The following CLCN4 variants were observed in gnomAD, a reference collection of about 807,000 sequenced individuals.
CLCN4 encodes the protein Cl-/H+ antiporter 4.
A neutral mutation model predicts 41.7 loss-of-function variants in CLCN4; 1 was observed. The ratio of observed to expected loss-of-function variants is 0.02; its 90% CI spans 0.01 to 0.11. The LOEUF (loss-of-function observed/expected upper bound fraction) is 0.11, where lower values mean the gene tolerates loss of function less well. CLCN4 is among the 10% of genes least tolerant of loss of function. CLCN4 has a pLI of 1.00. For missense variants in CLCN4, 287 were observed against 661.0 expected (o/e 0.43, Z 6.20); for synonymous variants, 277 against 285.8 (o/e 0.97, Z 0.31).
At position 10,213,860 on chromosome X, in the gene CLCN4, G is replaced by A; in HGVS notation, c.1756G>A (p.Val586Met). 1 of 1,211,889 alleles carries A rather than the reference G, an allele frequency of 8.3e-7. No individual in the cohort carries two copies. Among genetic ancestry groups the A allele is most frequent in the Non-Finnish European group, 1.1e-6 (1 of 895,426 alleles). Reference protein sequence around the residue: ...IHLNGYPFLDVKDEFTHRTLA... With the variant: ...IHLNGYPFLDMKDEFTHRTLA... ...CTTAAATGGGTACCCTTTCCTTGACGTGAAGGACGAGTTTACTCACCGCAC... is the reference window on the plus strand; with the variant it reads ...CTTAAATGGGTACCCTTTCCTTGACATGAAGGACGAGTTTACTCACCGCAC... The change falls in exon 11 of 13, where the codon GTG becomes ATG. Residue 586 changes from valine (V) to methionine (M), a missense_variant. By Grantham distance (21) the Val-to-Met change is conservative. This residue lies in a region of CLCN4 where 10 missense variants were observed against 67.7 expected (regional missense o/e 0.15). Coordinates refer to ENST00000380833, the MANE Select transcript of CLCN4 (RefSeq NM_001830.4).
rs1286686719 is a variant in CLCN4 at position 10,234,363 on chromosome X, C to T, written c.*779C>T. On this transcript the variant is annotated 3_prime_UTR_variant, in exon 13 of 13. Transcript: ENST00000380833. Reference sequence around the variant, plus strand: ...CACATCCTTATTTTGAGGGTATACTCACCCGATCATTGATTTGCATCCCCA... The same window carrying T: ...CACATCCTTATTTTGAGGGTATACTTACCCGATCATTGATTTGCATCCCCA... The T allele has an allele frequency of 8.8e-6, 1 of 113,085 alleles. No individual in the cohort carries two copies. Among genetic ancestry groups the T allele is most frequent in the African/African-American group, 3.2e-5 (1 of 31,048 alleles). 9.3% of individuals were successfully genotyped at this position (113,085 alleles called of 1,213,427 possible).
At position 10,213,772 on chromosome X, in the gene CLCN4, T is replaced by G; in HGVS notation, c.1668T>G (p.Ala556=). 2 of 1,212,131 alleles carry G rather than the reference T, an allele frequency of 1.6e-6. No individual in the cohort carries two copies. Among genetic ancestry groups the G allele is most frequent in the Non-Finnish European group, 2.2e-6 (2 of 895,514 alleles). ...LEYIVPLMAA[A]VTSKWVADAF... The stretch of plus-strand genomic sequence containing the variant: ...ACATCGTGCCCCTGATGGCGGCGGC[T>G]GTGACCAGCAAGTGGGTAGCTGATG... The change falls in exon 11 of 13, where the codon GCT becomes GCG. Residue 556 remains alanine (A), a synonymous_variant. Coordinates refer to ENST00000380833, the MANE Select transcript of CLCN4 (RefSeq NM_001830.4).
At chrX:10,170,981 T>A (rs1221727922) in intron 2 of CLCN4, among the ~76,000 whole-genome samples, 1 of 112,096 alleles carries the variant, frequency 8.9e-6, no homozygotes, top group Non-Finnish European at 1.9e-5. Flanking sequence ...GCCTCCCGGG[T>A]TCATGAGATT....
chrX:10,231,898 A>G (rs1925135521), intron 12 of CLCN4, among the ~76,000 whole-genome samples: 1 of 112,360 alleles, frequency 8.9e-6, no homozygotes, highest in Admixed American at 9.4e-5. Context: ...TTATTGCCTA[A>G]GCTAACTATT....
intron 12 of CLCN4, among the ~76,000 whole-genome samples, chrX:10,223,623 C>T (rs1024599745): frequency 1.8e-5 from 2 of 111,817 alleles, no homozygotes; most frequent in African/African-American, 6.5e-5. Context: ...GCCTGAGCTC[C>T]ACCGCTGGCC....
Position 10,185,650 on chromosome X carries a change from A to T in CLCN4, c.144+474A>T, listed in dbSNP as rs1003089901. 3.6e-5 allele frequency among the ~76,000 whole-genome samples: 4 copies of T among 111,750 alleles called. No individual in the cohort carries two copies. In the South Asian group the frequency reaches 1.1e-3, roughly 31 times the overall value. On this transcript the variant is annotated intron_variant, in intron 3 of 12. Transcript: ENST00000380833. ...TAACATTTCAGTTGGGTCTTGAAAG[A>T]TGACTAAGATTTTGCTAGGCAGAGG...
chrX:10,206,328 T>A (rs1924386741), intron 6 of CLCN4, 30 bp from the exon 7 acceptor site: 1 of 1,091,962 alleles, frequency 9.2e-7, no homozygotes, highest in Non-Finnish European at 1.3e-6. Flanking sequence ...AAGGAGTTCA[T>A]TCCCTCTTGT....
At chrX:10,180,065 G>T (rs762590087) in intron 2 of CLCN4, among the ~76,000 whole-genome samples, 1 of 112,251 alleles carries the variant, frequency 8.9e-6, no homozygotes, top group Non-Finnish European at 1.9e-5. Flanking sequence ...ATCTCATACT[G>T]CCAATTTGTT....
At chrX:10,179,254 G>C (rs1923612281) in intron 2 of CLCN4, among the ~76,000 whole-genome samples, 1 of 111,184 alleles carries the variant, frequency 9.0e-6, no homozygotes, top group African/African-American at 3.3e-5. Context: ...GGCCGGTGCT[G>C]TTTCATTCCC....
chrX:10,211,997 G>C (rs1006367877), intron 9 of CLCN4, among the ~76,000 whole-genome samples: 2 of 111,952 alleles, frequency 1.8e-5, no homozygotes, highest in Non-Finnish European at 3.8e-5. Context: ...GAAGATCCAG[G>C]GTGGCTGCAA....
intron 2 of CLCN4, among the ~76,000 whole-genome samples, chrX:10,159,177 G>A (rs944252226): frequency 9.0e-6 from 1 of 111,539 alleles, no homozygotes; most frequent in Admixed American, 9.5e-5. Context: ...AAAAAAGAAC[G>A]GTATCCAATA....
chrX:10,212,013 G>A (rs1924567914), intron 9 of CLCN4, among the ~76,000 whole-genome samples: 2 of 111,873 alleles, frequency 1.8e-5, no homozygotes, highest in South Asian at 7.5e-4. Flanking sequence ...TGCAATGATG[G>A]ACTTAGCTTC....
chrX:10,208,693 C>A, intron 9 of CLCN4, 103 bp downstream of exon 9: 1 of 736,610 alleles, frequency 1.4e-6, no homozygotes, highest in Non-Finnish European at 1.9e-6. Context: ...GGGGAACTGG[C>A]CTTTCTTGAA....
intron 11 of CLCN4, among the ~76,000 whole-genome samples, chrX:10,216,918 T>TATATATATATATATATCTATATATATAC (rs773265490): frequency 2.6e-5 from 1 of 38,931 alleles, no homozygotes; most frequent in African/African-American, 1.1e-4. Context: ...TATATATATA[T>TATATATATATATATATCTATATATATAC]ACACACACAC....
intron 12 of CLCN4, among the ~76,000 whole-genome samples, chrX:10,227,881 C>A (rs1925028113): frequency 8.9e-6 from 1 of 112,016 alleles, no homozygotes; most frequent in Non-Finnish European, 1.9e-5. Flanking sequence ...TGTGGATAGA[C>A]CACATTTTGC....
At chrX:10,206,913 T>TTTTG (rs969253466) in intron 8 of CLCN4, 137 bp downstream of exon 8, 4 of 443,975 alleles carry the variant, frequency 9.0e-6, no homozygotes, top group Non-Finnish European at 1.5e-5. Context: ...TTTGTTTTGT[T>TTTTG]TTTGTTTTTG....
intron 2 of CLCN4, among the ~76,000 whole-genome samples, chrX:10,183,178 T>C (rs2147166563): frequency 8.9e-6 from 1 of 112,446 alleles, no homozygotes; most frequent in South Asian, 3.7e-4. Context: ...ATATCATTGG[T>C]TGCTACTGAC....
intron 2 of CLCN4, among the ~76,000 whole-genome samples, chrX:10,160,986 G>T (rs1035303888): frequency 1.8e-5 from 2 of 110,960 alleles, no homozygotes; most frequent in East Asian, 2.8e-4. Context: ...AGCATAGCAA[G>T]GGGGGGACAT....
intron 3 of CLCN4, 85 bp downstream of exon 3, chrX:10,185,261 G>C (rs990566685): frequency 6.5e-5 from 65 of 1,003,099 alleles, no homozygotes; most frequent in Admixed American, 8.8e-5. Context: ...TTAGGTCCAC[G>C]TACGTGTCAT....
Sources: gnomAD v4.1 joint callset for allele counts (sites outside exome capture counted in the v4.1 genomes callset) on GRCh38, gnomAD v4.1.1 for gene constraint, gnomAD v4.1.1 regional missense constraint, MANE v1.5 for transcripts, NCBI Gene and HGNC (gene_info 2026-07-23, HGNC 2026-07-21) for gene names.